PKIB: variants seen among roughly 807,000 people sequenced by gnomAD.
PKIB encodes PKI-beta.
In PKIB, 2 loss-of-function variants were observed where a neutral mutation model predicts 4.5. That is an observed-to-expected ratio of 0.44 (90% CI 0.18 to 1.39). The LOEUF (loss-of-function observed/expected upper bound fraction) is 1.39, where lower values mean the gene tolerates loss of function less well. Ranked by LOEUF, PKIB falls within the 40% of genes most tolerant of loss-of-function variation. PKIB has a pLI of 0.27. For synonymous variants in PKIB, 38 were observed against 36.0 expected, an observed-to-expected ratio of 1.06 and a Z score of -0.20; for missense variants, 94 against 92.6, an observed-to-expected ratio of 1.02 and a Z score of -0.06.
rs1004753970 is a variant in PKIB at position 122,630,160 on chromosome 6, A to G, written c.-160-3123A>G. 2.6e-5 allele frequency among the ~76,000 whole-genome samples: 4 copies of G among 152,266 alleles called. No homozygotes were observed. The East Asian group carries it at 7.7e-4, about 29-fold the overall frequency. On this transcript the variant is annotated intron_variant, in intron 1 of 4. Transcript: ENST00000368452. ...AAGAAATACTATTATCATAGGACCT[A>G]GCAATTCCACTTCTGTGTATATATC... is the stretch of plus-strand genomic sequence containing the variant.
At chr6:122,539,269 A>T (rs1279234159) in intron 2 of PKIB, among the ~76,000 whole-genome samples, 1 of 152,016 alleles carries the variant, frequency 6.6e-6, no homozygotes, top group African/African-American at 2.4e-5. Flanking sequence ...CAGTTTTCAA[A>T]GGGAATGCTT....
chr6:122,607,199 G>A (rs1774567165), upstream of PKIB, among the ~76,000 whole-genome samples: 1 of 151,952 alleles, frequency 6.6e-6, no homozygotes, highest in African/African-American at 2.4e-5. Context: ...CCTGAGCAAG[G>A]CATGTGGCTT....
At chr6:122,681,803 T>C (rs1380301966) in intron 3 of PKIB, among the ~76,000 whole-genome samples, 1 of 152,210 alleles carries the variant, frequency 6.6e-6, no homozygotes, top group Non-Finnish European at 1.5e-5. Context: ...GAGTGATATT[T>C]AATTGTTCCC....
In PKIB at chr6:122,717,970, C is replaced by T. The variant is rs767631692; in HGVS notation, c.169+7C>T. The T allele has an allele frequency of 6.2e-6, 10 of 1,608,460 alleles. No homozygotes were observed. The highest frequency in any genetic ancestry group is 1.6e-4 in the Middle Eastern group (1 of 6,062). On this transcript the variant is annotated splice_region_variant and intron_variant, in intron 4 of 4. Transcript: ENST00000368452. The stretch of plus-strand genomic sequence containing the variant: ...GCTCTCTCCGTGAAGGAAGGTAATA[C>T]TCAAAATCCTCTTACAATTAACAGC...
chr6:122,587,393 A>G (rs944486372), intron 3 of PKIB, among the ~76,000 whole-genome samples: 1 of 152,146 alleles, frequency 6.6e-6, no homozygotes, highest in Non-Finnish European at 1.5e-5. Context: ...TCCATGGTGT[A>G]TATGTGCCAC....
intron 3 of PKIB, among the ~76,000 whole-genome samples, chr6:122,690,010 T>C (rs1778259895): frequency 6.6e-6 from 1 of 151,850 alleles, no homozygotes; most frequent in South Asian, 2.1e-4. Flanking sequence ...TATATGACCT[T>C]TGTTTCTTCC....
intron 3 of PKIB, among the ~76,000 whole-genome samples, chr6:122,699,535 G>A (rs9401572): frequency 0.67 from 101,042 of 151,900 alleles, 35,180 homozygotes; most frequent in Non-Finnish European, 0.79. Context: ...CAGGTTTAAG[G>A]ACAGGCCAAA....
chr6:122,491,194 T>C (rs568028933), intron 2 of PKIB, among the ~76,000 whole-genome samples: 2 of 152,318 alleles, frequency 1.3e-5, no homozygotes, highest in South Asian at 2.1e-4. Context: ...TCCATGGTCT[T>C]GCATCCCTTA....
At chr6:122,544,396 C>T (rs914694870) in intron 2 of PKIB, among the ~76,000 whole-genome samples, 10 of 148,954 alleles carry the variant, frequency 6.7e-5, no homozygotes, top group African/African-American at 2.5e-4. Context: ...AAAAAAAATT[C>T]TAGCTAAATT....
chr6:122,694,794 A>G (rs1778501220), intron 3 of PKIB, among the ~76,000 whole-genome samples: 1 of 152,236 alleles, frequency 6.6e-6, no homozygotes, highest in Non-Finnish European at 1.5e-5. Context: ...CTACTGAGCT[A>G]AAAGGATATT....
chr6:122,529,622 GA>G (rs2114614362), intron 2 of PKIB, among the ~76,000 whole-genome samples: 1 of 152,218 alleles, frequency 6.6e-6, no homozygotes, highest in Non-Finnish European at 1.5e-5. Flanking sequence ...GAGTGGTAAT[GA>G]ACTCCCTCAC....
chr6:122,489,393 AC>A (rs1373036316), intron 2 of PKIB, among the ~76,000 whole-genome samples: 1 of 152,044 alleles, frequency 6.6e-6, no homozygotes, highest in African/African-American at 2.4e-5. Flanking sequence ...GATTACAGGC[AC>A]CTGCCACCAC....
intron 2 of PKIB, among the ~76,000 whole-genome samples, chr6:122,490,869 T>C (rs1350175737): frequency 1.3e-5 from 2 of 152,188 alleles, no homozygotes; most frequent in African/African-American, 2.4e-5. Context: ...GCTGAATCCA[T>C]AGGGAAGCTC....
intron 2 of PKIB, among the ~76,000 whole-genome samples, chr6:122,521,766 T>G (rs2114601154): frequency 6.6e-6 from 1 of 152,278 alleles, no homozygotes; most frequent in Admixed American, 6.5e-5. Flanking sequence ...GGCACCCACT[T>G]ATCTAGCTTT....
At chr6:122,703,041 A>T (rs1778894325) in intron 3 of PKIB, among the ~76,000 whole-genome samples, 1 of 152,186 alleles carries the variant, frequency 6.6e-6, no homozygotes, top group Non-Finnish European at 1.5e-5. Flanking sequence ...TAATTGTGCA[A>T]TAATGTGCTA....
chr6:122,496,067 C>T (rs946420863), intron 2 of PKIB, among the ~76,000 whole-genome samples: 7 of 152,146 alleles, frequency 4.6e-5, no homozygotes, highest in African/African-American at 1.7e-4. Context: ...GCACCAGGTA[C>T]TTCACTGTCC....
At chr6:122,657,081 G>C (rs1776800726) in intron 2 of PKIB, among the ~76,000 whole-genome samples, 1 of 152,166 alleles carries the variant, frequency 6.6e-6, no homozygotes, top group Non-Finnish European at 1.5e-5. Flanking sequence ...TATACAGATA[G>C]TAAAATAGTT....
At chr6:122,552,486 C>T (rs952929793) in intron 2 of PKIB, among the ~76,000 whole-genome samples, 4 of 152,150 alleles carry the variant, frequency 2.6e-5, no homozygotes, top group Middle Eastern at 3.2e-3. Context: ...CAGTGATTCT[C>T]CTGCCTCAGC....
chr6:122,523,828 G>T (rs985867321), intron 2 of PKIB, among the ~76,000 whole-genome samples: 36 of 150,878 alleles, frequency 2.4e-4, no homozygotes, highest in African/African-American at 8.5e-4. Flanking sequence ...TCTCTTTCCT[G>T]CCGCCATGTA....
Sources: gnomAD v4.1 joint callset for allele counts (sites outside exome capture counted in the v4.1 genomes callset) on GRCh38, gnomAD v4.1.1 for gene constraint, MANE v1.5 for transcripts, NCBI Gene and HGNC (gene_info 2026-07-23, HGNC 2026-07-21) for gene names.